Variants in EPHB1 observed in about 807,000 individuals in gnomAD.
The protein encoded by EPHB1 is ephrin type-B receptor 1.
In EPHB1, 30 loss-of-function variants were observed where a neutral mutation model predicts 94.4. The observed-to-expected ratio is 0.32, with a 90% CI of 0.24 to 0.43. EPHB1 has a LOEUF of 0.43. EPHB1 is among the 20% of genes least tolerant of loss of function. EPHB1 has a pLI of 1.00. For synonymous variants in EPHB1, 522 were observed against 489.1 expected (o/e 1.07, Z -0.89); for missense variants, 1,055 against 1,308.3 (o/e 0.81, Z 2.99).
intron 12 of EPHB1, among the ~76,000 whole-genome samples, chr3:135,219,975 T>G (rs988645995): frequency 2.0e-5 from 3 of 152,206 alleles, no homozygotes; most frequent in African/African-American, 7.2e-5. Flanking sequence ...AAAATGTTTA[T>G]CCAGGTAAGG....
intron 1 of EPHB1, among the ~76,000 whole-genome samples, chr3:134,873,701 G>C (rs1266706163): frequency 1.3e-5 from 2 of 152,210 alleles, no homozygotes; most frequent in South Asian, 2.1e-4. Context: ...AGAGGGCCCT[G>C]GCCACGCATC....
chr3:135,116,234 A>C (rs1939703297), intron 4 of EPHB1, among the ~76,000 whole-genome samples: 1 of 152,188 alleles, frequency 6.6e-6, no homozygotes, highest in Admixed American at 6.5e-5. Context: ...CAAAAACAAA[A>C]AAACATTAAA....
At chr3:135,127,654 A>G (rs554727193) in intron 4 of EPHB1, among the ~76,000 whole-genome samples, 5 of 152,198 alleles carry the variant, frequency 3.3e-5, no homozygotes, top group African/African-American at 1.2e-4. Flanking sequence ...TTGATTACTC[A>G]GGAGTGCTCT....
chr3:134,834,764 A>G (rs2036641680), intron 1 of EPHB1, among the ~76,000 whole-genome samples: 1 of 152,186 alleles, frequency 6.6e-6, no homozygotes, highest in Admixed American at 6.5e-5. Flanking sequence ...GCAGATGAAT[A>G]TGAGCAGCTA....
At chr3:134,907,258 A>G (rs902706387) in intron 1 of EPHB1, among the ~76,000 whole-genome samples, 1 of 152,188 alleles carries the variant, frequency 6.6e-6, no homozygotes, top group African/African-American at 2.4e-5. Flanking sequence ...TGGAACCTTT[A>G]TCTTTTGACT....
intron 5 of EPHB1, among the ~76,000 whole-genome samples, chr3:135,137,375 A>G (rs1375531300): frequency 6.6e-6 from 1 of 152,204 alleles, no homozygotes; most frequent in East Asian, 1.9e-4. Flanking sequence ...TGATTAGAAA[A>G]TTTTAAAGCA....
intron 3 of EPHB1, among the ~76,000 whole-genome samples, chr3:135,091,920 C>A (rs1024062637): frequency 6.6e-6 from 1 of 152,038 alleles, no homozygotes; most frequent in Admixed American, 6.6e-5. Context: ...TTGTCATTGT[C>A]CAGCCTTTAG....
intron 3 of EPHB1, among the ~76,000 whole-genome samples, chr3:135,083,383 A>G (rs1938228749): frequency 6.6e-6 from 1 of 151,966 alleles, no homozygotes; most frequent in African/African-American, 2.4e-5. Flanking sequence ...AGATTTAACA[A>G]TAGCTCAGAA....
intron 3 of EPHB1, among the ~76,000 whole-genome samples, chr3:135,044,788 C>T (rs1936948805): frequency 6.6e-6 from 1 of 152,200 alleles, no homozygotes; most frequent in Non-Finnish European, 1.5e-5. Flanking sequence ...AAAGCGGTGT[C>T]TTAAAAGCTA....
At chr3:134,818,880 G>A (rs1040828750) in intron 1 of EPHB1, among the ~76,000 whole-genome samples, 3 of 152,014 alleles carry the variant, frequency 2.0e-5, no homozygotes, top group Non-Finnish European at 2.9e-5. Flanking sequence ...TTTCTCTCTG[G>A]GTCTCTTGAG....
intron 12 of EPHB1, among the ~76,000 whole-genome samples, chr3:135,235,674 C>T (rs1943634563): frequency 6.6e-6 from 1 of 152,188 alleles, no homozygotes; most frequent in African/African-American, 2.4e-5. Context: ...TGGGCTAGGC[C>T]TTCTGAGTAA....
intron 12 of EPHB1, among the ~76,000 whole-genome samples, chr3:135,236,523 AAT>A (rs1220867612): frequency 1.3e-5 from 2 of 152,180 alleles, no homozygotes; most frequent in Non-Finnish European, 2.9e-5. Context: ...TGATAATAAG[AAT>A]ATATTGTGTG....
At chr3:134,960,734 A>G (rs1452338692) in intron 3 of EPHB1, among the ~76,000 whole-genome samples, 2 of 152,248 alleles carry the variant, frequency 1.3e-5, no homozygotes, top group Non-Finnish European at 2.9e-5. Context: ...TGAGAGCCTC[A>G]GGAAGCCTCT....
intron 3 of EPHB1, among the ~76,000 whole-genome samples, chr3:135,011,012 GCCAC>G (rs1935602036): frequency 6.6e-6 from 1 of 151,940 alleles, no homozygotes; most frequent in African/African-American, 2.4e-5. Flanking sequence ...CAGGTTATTC[GCCAC>G]CCACCTCCCA....
chr3:135,253,059 G>T (rs1230296623), intron 15 of EPHB1, among the ~76,000 whole-genome samples: 2 of 149,592 alleles, frequency 1.3e-5, no homozygotes, highest in African/African-American at 2.4e-5. Context: ...TTTTTGATGG[G>T]GTTGTTTTTT....
chr3:134,941,736 T>C (rs1291454871), intron 2 of EPHB1, among the ~76,000 whole-genome samples: 1 of 142,568 alleles, frequency 7.0e-6, no homozygotes, highest in Non-Finnish European at 1.5e-5. Context: ...GATAGCATGC[T>C]TTACATATGC....
intron 3 of EPHB1, among the ~76,000 whole-genome samples, chr3:135,024,892 C>A (rs1034858170): frequency 6.6e-6 from 1 of 151,676 alleles, no homozygotes; most frequent in Non-Finnish European, 1.5e-5. Flanking sequence ...GGATCTCTTG[C>A]CCCTTTCTAT....
At chr3:135,007,131 A>G (rs1935446376) in intron 3 of EPHB1, among the ~76,000 whole-genome samples, 1 of 152,134 alleles carries the variant, frequency 6.6e-6, no homozygotes. Context: ...TCAGTTTCCC[A>G]CTACCTGCCT....
intron 9 of EPHB1, among the ~76,000 whole-genome samples, chr3:135,173,089 CA>C (rs1941855077): frequency 6.8e-6 from 1 of 147,598 alleles, no homozygotes; most frequent in Non-Finnish European, 1.5e-5. Flanking sequence ...GGCTGGAGTG[CA>C]GTGGCGGGAT....
Sources: gnomAD v4.1 joint callset for allele counts (sites outside exome capture counted in the v4.1 genomes callset) on GRCh38, gnomAD v4.1.1 for gene constraint, MANE v1.5 for transcripts, NCBI Gene and HGNC (gene_info 2026-07-23, HGNC 2026-07-21) for gene names.